The following AHCYL2 variants were observed in gnomAD, a reference collection of about 807,000 sequenced individuals.
AHCYL2 encodes adenosylhomocysteinase like 2, also known as S-adenosylhomocysteine hydrolase-like protein 2.
AHCYL2 carries 28 observed loss-of-function variants against 81.4 expected under a neutral mutation model. That is an observed-to-expected ratio of 0.34 (90% CI 0.25 to 0.47). The LOEUF is 0.47. Ranked by LOEUF, AHCYL2 falls within the 20% of genes least tolerant of loss-of-function variation. The probability of loss-of-function intolerance (pLI) is 1.00; values close to 1 mark genes in which losing one functional copy is unlikely to be tolerated. For missense variants in AHCYL2, 551 were observed against 785.1 expected, an observed-to-expected ratio of 0.70 and a Z score of 3.56; for synonymous variants, 272 against 290.2, an observed-to-expected ratio of 0.94 and a Z score of 0.64.
rs1379312036 is a variant in AHCYL2, at chr7:129,332,743, TTC to T, written c.364-46893_364-46892del. On this transcript the variant is annotated intron_variant, in intron 1 of 16. Coordinates refer to ENST00000325006, the MANE Select transcript of AHCYL2 (RefSeq NM_015328.4). ...CTCTTTTTTGCCTGACTTTATGCAT[TTC>T]TGTTGCCATGTAAACCAAATAAAGC... 2.0e-5 allele frequency among the ~76,000 whole-genome samples: 3 copies of T among 152,340 alleles called. No homozygotes were observed. The East Asian group carries it at 5.8e-4, about 29-fold the overall frequency.
At chr7:129,226,738 G>A (rs1459885059) in intron 1 of AHCYL2, among the ~76,000 whole-genome samples, 1 of 152,170 alleles carries the variant, frequency 6.6e-6, no homozygotes, top group African/African-American at 2.4e-5. Flanking sequence ...CAATGTCTTT[G>A]TCGTTTGTAG....
In AHCYL2 at chr7:129,406,420, A is replaced by G; in HGVS notation, c.1249A>G (p.Ile417Val). ...TGCTGCCCTGAAAGCCATGGGCTCC[A>G]TTGTGTATGTAACTGAAATTGACCC... ...CCAALKAMGS[I>V]VYVTEIDPIC... The change falls in exon 10 of 17, where the codon ATT (isoleucine) becomes GTT (valine). Residue 417 changes from isoleucine (I) to valine (V), a missense_variant. Physicochemically the swap from Ile to Val is conservative, Grantham distance 29. Coordinates refer to ENST00000325006, the MANE Select transcript of AHCYL2 (RefSeq NM_015328.4). The surrounding 1 kb of genome is among the most constrained non-coding windows in gnomAD (Gnocchi z 4.3). 2.5e-6 allele frequency: 4 copies of G among 1,613,888 alleles called. No homozygotes were observed. The highest frequency in any genetic ancestry group is 3.4e-6 in the Non-Finnish European group (4 of 1,179,976).
chr7:129,400,260 A>G (rs770298182), intron 5 of AHCYL2, 30 bp from the exon 6 acceptor site: 1 of 1,605,620 alleles, frequency 6.2e-7, no homozygotes, highest in Non-Finnish European at 8.5e-7. Flanking sequence ...TTGGTCTTTA[A>G]TGGTTTCCCT....
chr7:129,310,000 T>C (rs564826018), intron 1 of AHCYL2, among the ~76,000 whole-genome samples: 75 of 152,286 alleles, frequency 4.9e-4, no homozygotes, highest in African/African-American at 1.6e-3. Context: ...CATGTCTCTG[T>C]TTGACCTCAT....
At chr7:129,344,997 A>G (rs963187556) in intron 1 of AHCYL2, among the ~76,000 whole-genome samples, 8 of 152,132 alleles carry the variant, frequency 5.3e-5, no homozygotes, top group Middle Eastern at 3.2e-3. Flanking sequence ...TCTACTAAAA[A>G]TACGAAAATT....
At chr7:129,356,150 C>T (rs1793728818) in intron 1 of AHCYL2, among the ~76,000 whole-genome samples, 1 of 152,100 alleles carries the variant, frequency 6.6e-6, no homozygotes, top group Non-Finnish European at 1.5e-5. Flanking sequence ...TTTGTTCCTT[C>T]TTTTTCATTA....
intron 1 of AHCYL2, among the ~76,000 whole-genome samples, chr7:129,239,713 T>A (rs1262762561): frequency 6.6e-6 from 1 of 151,686 alleles, no homozygotes; most frequent in Non-Finnish European, 1.5e-5. Flanking sequence ...GTTATAAGAC[T>A]TATAACAAAA....
At chr7:129,375,545 C>T (rs116609526) in intron 1 of AHCYL2, 319 of 1,076,860 alleles carry the variant, frequency 3.0e-4, no homozygotes, top group Non-Finnish European at 3.5e-4. Flanking sequence ...CAAGTTGGGC[C>T]TTGTCAAGGG....
chr7:129,324,635 C>A (rs1217193313), intron 1 of AHCYL2, among the ~76,000 whole-genome samples: 3 of 152,180 alleles, frequency 2.0e-5, no homozygotes. Context: ...CCTGCCTCAG[C>A]CTCCCAAGTA....
At chr7:129,370,120 C>A (rs1181832235) in intron 1 of AHCYL2, among the ~76,000 whole-genome samples, 2 of 152,134 alleles carry the variant, frequency 1.3e-5, no homozygotes, top group South Asian at 4.1e-4. Context: ...ATTAGTGTGC[C>A]AACTCAGAAT....
At chr7:129,333,322 A>G (rs548282079) in intron 1 of AHCYL2, among the ~76,000 whole-genome samples, 1 of 151,998 alleles carries the variant, frequency 6.6e-6, no homozygotes, top group Non-Finnish European at 1.5e-5. Context: ...AAAAAAAAAA[A>G]AAAAAAAATT....
At chr7:129,340,267 T>TA (rs980244725) in intron 1 of AHCYL2, among the ~76,000 whole-genome samples, 12 of 146,170 alleles carry the variant, frequency 8.2e-5, no homozygotes, top group East Asian at 6.4e-4. Flanking sequence ...TCTGCCAGTT[T>TA]AAAAAAAATA....
rs1797432944 is a variant in AHCYL2 at position 129,428,069 on chromosome 7, A to G, written c.*1024A>G. The G allele has an allele frequency of 6.6e-6, 1 of 152,204 alleles. No individual in the cohort carries two copies. Among genetic ancestry groups the G allele is most frequent in the South Asian group, 2.1e-4 (1 of 4,832 alleles). The allele number at this position is 152,204 out of a possible 1,614,324, so 9.4% of individuals were successfully genotyped here. ...GCTTGATACCCTAACAAAGCAGAGT[A>G]TATTTATTTGTTTCCCAGGAAGGCC... On this transcript the variant is annotated 3_prime_UTR_variant, in exon 17 of 17. Transcript: ENST00000325006.
At chr7:129,402,110 G>C (rs932121970) in intron 6 of AHCYL2, among the ~76,000 whole-genome samples, 6 of 152,132 alleles carry the variant, frequency 3.9e-5, no homozygotes, top group African/African-American at 1.4e-4. Context: ...AATCTCTCTT[G>C]TCTCTTATCT....
intron 1 of AHCYL2, among the ~76,000 whole-genome samples, chr7:129,346,218 A>T (rs1401483939): frequency 6.6e-6 from 1 of 152,126 alleles, no homozygotes; most frequent in Non-Finnish European, 1.5e-5. Flanking sequence ...GAAATACAAC[A>T]TGGAATGATG....
At chr7:129,417,351 C>A (rs1457765194) in intron 12 of AHCYL2, among the ~76,000 whole-genome samples, 1 of 152,194 alleles carries the variant, frequency 6.6e-6, no homozygotes, top group African/African-American at 2.4e-5. Context: ...AGAGGGGTAA[C>A]AGGCCAGATC....
At chr7:129,284,317 G>GC (rs775308880) in intron 1 of AHCYL2, among the ~76,000 whole-genome samples, 4 of 152,158 alleles carry the variant, frequency 2.6e-5, no homozygotes, top group Non-Finnish European at 5.9e-5. Flanking sequence ...GGAATAATTG[G>GC]CCGGGCATGG....
chr7:129,360,171 A>G (rs2150841811), intron 1 of AHCYL2, among the ~76,000 whole-genome samples: 1 of 150,958 alleles, frequency 6.6e-6, no homozygotes. Context: ...GCTGGAGTGC[A>G]ATGGCATGAT....
intron 1 of AHCYL2, among the ~76,000 whole-genome samples, chr7:129,335,271 G>C (rs1798559917): frequency 6.6e-6 from 1 of 151,906 alleles, no homozygotes; most frequent in Non-Finnish European, 1.5e-5. Flanking sequence ...TACTGGGGAG[G>C]TTGAAGCAGG....
Sources: gnomAD v4.1 joint callset for allele counts (sites outside exome capture counted in the v4.1 genomes callset) on GRCh38, gnomAD v4.1.1 for gene constraint, Gnocchi (gnomAD v3.1) non-coding constraint, MANE v1.5 for transcripts, NCBI Gene and HGNC (gene_info 2026-07-23, HGNC 2026-07-21) for gene names.